Variants in MCTP2 observed in about 807,000 individuals in gnomAD.
The protein encoded by MCTP2 is multiple C2 and transmembrane domain containing 2, also known as multiple C2 and transmembrane domain-containing protein 2.
MCTP2 carries 132 observed loss-of-function variants against 111.6 expected under a neutral mutation model. That is an observed-to-expected ratio of 1.18 (90% CI 1.03 to 1.37). The LOEUF (loss-of-function observed/expected upper bound fraction) is 1.37. Among genes scored for constraint, MCTP2 ranks in the 40% most tolerant of loss-of-function variants. The pLI is 0.00. For missense variants in MCTP2, 1,183 were observed against 1,067.9 expected (o/e 1.11, Z -1.50); for synonymous variants, 395 against 387.7 (o/e 1.02, Z -0.22).
intron 1 of MCTP2, among the ~76,000 whole-genome samples, chr15:94,244,357 C>T (rs933725031): frequency 6.7e-6 from 1 of 148,234 alleles, no homozygotes; most frequent in African/African-American, 2.5e-5. Context: ...TATACACATA[C>T]ATATGTATAT....
At chr15:94,313,267 G>T (rs2076230164) in intron 2 of MCTP2, among the ~76,000 whole-genome samples, 1 of 152,180 alleles carries the variant, frequency 6.6e-6, no homozygotes, top group Admixed American at 6.5e-5. Context: ...CTCTGTTAAA[G>T]TTCCAGAAAC....
intron 14 of MCTP2, among the ~76,000 whole-genome samples, chr15:94,397,052 A>G (rs1348653199): frequency 6.6e-6 from 1 of 152,186 alleles, no homozygotes; most frequent in East Asian, 1.9e-4. Context: ...AGGGGAAGGA[A>G]TTTGGTGTTT....
chr15:94,370,549 A>G (rs2079430126), intron 12 of MCTP2, among the ~76,000 whole-genome samples: 1 of 152,168 alleles, frequency 6.6e-6, no homozygotes, highest in African/African-American at 2.4e-5. Flanking sequence ...CTCTGTGCTG[A>G]ATGGTTCACA....
intron 1 of MCTP2, among the ~76,000 whole-genome samples, chr15:94,240,754 G>A (rs1035220046): frequency 1.3e-5 from 2 of 152,152 alleles, no homozygotes; most frequent in Admixed American, 6.6e-5. Context: ...AAGTGATGCT[G>A]TAAACAGGAT....
intron 4 of MCTP2, among the ~76,000 whole-genome samples, chr15:94,328,417 C>A (rs532338083): frequency 6.6e-6 from 1 of 152,238 alleles, no homozygotes; most frequent in African/African-American, 2.4e-5. Flanking sequence ...TGTGAGCCAC[C>A]GCGCCCGGCC....
At chr15:94,409,215 C>T (rs1236974321) in intron 17 of MCTP2, among the ~76,000 whole-genome samples, 2 of 152,268 alleles carry the variant, frequency 1.3e-5, no homozygotes, top group East Asian at 1.9e-4. Context: ...AAAACAGAGA[C>T]TGGCCTGGCC....
chr15:94,407,815 A>G (rs1343356272), intron 17 of MCTP2, among the ~76,000 whole-genome samples: 4 of 142,342 alleles, frequency 2.8e-5, no homozygotes, highest in Admixed American at 7.4e-5. Context: ...ACACACACAC[A>G]CATGCATGAA....
intron 17 of MCTP2, among the ~76,000 whole-genome samples, chr15:94,438,301 C>T (rs1020562428): frequency 2.0e-5 from 3 of 151,922 alleles, no homozygotes; most frequent in African/African-American, 7.2e-5. Flanking sequence ...ATGATAGGAA[C>T]ATTTTTATTT....
At chr15:94,430,997 T>C (rs1335071907) in intron 17 of MCTP2, among the ~76,000 whole-genome samples, 1 of 152,144 alleles carries the variant, frequency 6.6e-6, no homozygotes, top group Non-Finnish European at 1.5e-5. Context: ...TGTTTTCTCA[T>C]GGTGGATCCT....
At chr15:94,402,072 A>G (rs1249146732) in intron 17 of MCTP2, 53 bp downstream of exon 17, 1 of 1,593,042 alleles carries the variant, frequency 6.3e-7, no homozygotes, top group Non-Finnish European at 8.6e-7. Flanking sequence ...GCATCTATTC[A>G]TCTTTCTGAA....
intron 1 of MCTP2, among the ~76,000 whole-genome samples, chr15:94,266,558 G>A (rs188585742): frequency 2.6e-5 from 4 of 152,242 alleles, no homozygotes; most frequent in African/African-American, 7.2e-5. Flanking sequence ...ATAAATACAC[G>A]CTGAAGTTCA....
chr15:94,423,643 G>T (rs529406916), intron 17 of MCTP2, among the ~76,000 whole-genome samples: 1 of 152,266 alleles, frequency 6.6e-6, no homozygotes, highest in South Asian at 2.1e-4. Flanking sequence ...CAAAATGGGG[G>T]CTTGAATTTA....
At chr15:94,310,560 G>A (rs1342867879) in intron 2 of MCTP2, among the ~76,000 whole-genome samples, 2 of 152,070 alleles carry the variant, frequency 1.3e-5, no homozygotes, top group African/African-American at 2.4e-5. Flanking sequence ...AGGCCAAGGC[G>A]GGAAGATCGC....
In MCTP2 at chr15:94,245,233, T is replaced by C. The variant is rs1406868788; in HGVS notation, c.-66+13569T>C. Among the ~76,000 whole-genome samples, 22 of 140,952 alleles carry C rather than the reference T, an allele frequency of 1.6e-4. No homozygotes were observed. The East Asian group carries it at 4.2e-3, about 27-fold the overall frequency. 92.5% of individuals were successfully genotyped at this position (140,952 alleles called of 152,430 possible). Reference sequence around the variant, plus strand: ...ATACATATGTGTATATATACATATGTATGTATATATACACATATGTATATA... The same window carrying C: ...ATACATATGTGTATATATACATATGCATGTATATATACACATATGTATATA... On this transcript the variant is annotated intron_variant, in intron 1 of 22. Coordinates refer to ENST00000357742, the MANE Select transcript of MCTP2 (RefSeq NM_001385001.1).
At position 94,426,121 on chromosome 15, in the gene MCTP2, AGAGAGAGAGAGAGAGAGATT is replaced by A. The variant is rs1469462861; in HGVS notation, c.2086-14036_2086-14017del. 8.2e-3 allele frequency among the ~76,000 whole-genome samples: 991 copies of A among 120,614 alleles called. 8 individuals are homozygous for A. The highest frequency in any genetic ancestry group is 0.031 in the African/African-American group (944 of 30,248). 79.1% of individuals were successfully genotyped at this position (120,614 alleles called of 152,430 possible). The stretch of plus-strand genomic sequence containing the variant: ...ATTTTCAGTTTTACTCTGAGATGCC[AGAGAGAGAGAGAGAGAGATT>A]GAGAGAGAGAGAGAGAGAGAGAGAG... On this transcript the variant is annotated intron_variant, in intron 17 of 22. Transcript: ENST00000357742.
chr15:94,455,920 A>T (rs1036564464), intron 19 of MCTP2, among the ~76,000 whole-genome samples: 2 of 152,254 alleles, frequency 1.3e-5, no homozygotes, highest in Non-Finnish European at 2.9e-5. Flanking sequence ...ACTAAAATAT[A>T]TGAATATATA....
At chr15:94,271,271 G>A (rs963896546) in intron 1 of MCTP2, among the ~76,000 whole-genome samples, 11 of 152,150 alleles carry the variant, frequency 7.2e-5, no homozygotes, top group Non-Finnish European at 1.5e-4. Context: ...ACATTAGGTT[G>A]TCCAAAAATT....
chr15:94,280,312 C>T (rs1224381394), intron 1 of MCTP2, among the ~76,000 whole-genome samples: 3 of 151,614 alleles, frequency 2.0e-5, no homozygotes, highest in East Asian at 3.9e-4. Flanking sequence ...ATCAGAATTT[C>T]AATTTCTTCT....
At chr15:94,421,019 C>T (rs940027579) in intron 17 of MCTP2, among the ~76,000 whole-genome samples, 2 of 151,962 alleles carry the variant, frequency 1.3e-5, no homozygotes, top group Non-Finnish European at 2.9e-5. Context: ...CCTGATCAGT[C>T]ATCAGCCATC....
Sources: gnomAD v4.1 joint callset for allele counts (sites outside exome capture counted in the v4.1 genomes callset) on GRCh38, gnomAD v4.1.1 for gene constraint, MANE v1.5 for transcripts, NCBI Gene and HGNC (gene_info 2026-07-23, HGNC 2026-07-21) for gene names.